The following ZFAND4 variants were observed in gnomAD, a reference collection of about 807,000 sequenced individuals.
ZFAND4 encodes zinc finger AN1-type containing 4, also known as AN1-type zinc finger protein 4.
ZFAND4 carries 43 observed loss-of-function variants against 64.4 expected under a neutral mutation model. The observed-to-expected ratio is 0.67, with a 90% CI of 0.52 to 0.86. ZFAND4 has a LOEUF of 0.86. Among genes scored for constraint, ZFAND4 ranks in the 40% least tolerant of loss-of-function variants. ZFAND4 has a pLI of 0.00. For synonymous variants in ZFAND4, 296 were observed against 305.7 expected (o/e 0.97, Z 0.33); for missense variants, 929 against 859.8 (o/e 1.08, Z -1.01).
At chr10:45,625,077 T>G (rs148528156) in intron 7 of ZFAND4, among the ~76,000 whole-genome samples, 2 of 151,398 alleles carry the variant, frequency 1.3e-5, no homozygotes, top group East Asian at 3.9e-4. Context: ...CTCAAGAGAC[T>G]GAGGCGGGAG....
Position 45,626,686 on chromosome 10 carries a change from C to T in ZFAND4, c.1137G>A (p.Gly379=). The T allele has an allele frequency of 6.2e-7, 1 of 1,614,180 alleles. No homozygotes were observed. Among genetic ancestry groups the T allele is most frequent in the Non-Finnish European group, 8.5e-7 (1 of 1,180,036 alleles). ...ATTCTTCTGAAGGTAAGACAATGTTCCCATTACTAGATGGCAAGTTTCCTA... is the reference window on the plus strand; with the variant it reads ...ATTCTTCTGAAGGTAAGACAATGTTTCCATTACTAGATGGCAAGTTTCCTA... ...HFLGNLPSSN[G]NIVLPSEECV... The change falls in exon 7 of 10, where the codon GGG becomes GGA. Residue 379 remains glycine (G), a synonymous_variant. Transcript: ENST00000344646.
chr10:45,616,562 G>T lies in ZFAND4; in HGVS notation c.2058C>A (p.Asn686Lys), dbSNP rs773094811. 2.2e-5 allele frequency: 35 copies of T among 1,613,804 alleles called. No homozygotes were observed. Among genetic ancestry groups the T allele is most frequent in the Non-Finnish European group, 2.7e-5 (32 of 1,179,946 alleles). ...LASSYECRCG[N>K]NFCASHRYAE... ...CATAACGATGAGATGCACAGAAGTT[G>T]TTTCCACATCTAAAGCACAAAAAAA... The change falls in exon 10 of 10, where the codon AAC becomes AAA. Residue 686 changes from asparagine (N) to lysine (K), a missense_variant. Transcript: ENST00000344646.
chr10:45,655,112 G>T (rs2133809884), intron 2 of ZFAND4, among the ~76,000 whole-genome samples: 2 of 152,150 alleles, frequency 1.3e-5, no homozygotes, highest in South Asian at 4.1e-4. Flanking sequence ...CCACAAAAAA[G>T]TCTCAAAAAT....
chr10:45,616,484 C>G lies in ZFAND4; in HGVS notation c.2136G>C (p.Leu712Phe). ...YDYKSAGRRY[L>F]HEANPVVNAP... is the part of the protein sequence containing the mutation. ...CATTAACCACAGGATTTGCCTCGTG[C>G]AAGTATCTCCTCCCTGCACTCTTGT... The change falls in exon 10 of 10, where the codon TTG becomes TTC. Residue 712 changes from leucine (L) to phenylalanine (F), a missense_variant. Leu to Phe is a conservative substitution (Grantham distance 22). Coordinates refer to ENST00000344646, the MANE Select transcript of ZFAND4 (RefSeq NM_174890.4). The G allele has an allele frequency of 6.2e-7, 1 of 1,614,124 alleles. No homozygotes were observed. The highest frequency in any genetic ancestry group is 1.3e-5 in the African/African-American group (1 of 75,046).
At chr10:45,640,144 T>C (rs2046885200) in intron 5 of ZFAND4, 181 bp from the exon 6 acceptor site, 2 of 1,269,524 alleles carry the variant, frequency 1.6e-6, no homozygotes, top group Admixed American at 3.5e-5. Context: ...AAAAATGAAA[T>C]GGGAATAAAT....
intron 9 of ZFAND4, among the ~76,000 whole-genome samples, chr10:45,616,998 A>G (rs1379961196): frequency 6.6e-6 from 1 of 151,922 alleles, no homozygotes. Context: ...GAATCGCTTG[A>G]ACCCAGGAGG....
At chr10:45,666,012 T>C (rs962090458) in intron 1 of ZFAND4, among the ~76,000 whole-genome samples, 10 of 152,222 alleles carry the variant, frequency 6.6e-5, no homozygotes, top group South Asian at 2.1e-4. Context: ...CTGTTACATA[T>C]AGTGCTAAGA....
At chr10:45,644,501 A>T (rs913160718) in intron 5 of ZFAND4, among the ~76,000 whole-genome samples, 1 of 152,194 alleles carries the variant, frequency 6.6e-6, no homozygotes, top group African/African-American at 2.4e-5. Flanking sequence ...AAGCTATAAA[A>T]CCAAAGAAGT....
intron 6 of ZFAND4, among the ~76,000 whole-genome samples, chr10:45,638,208 G>A (rs1002838399): frequency 6.6e-6 from 1 of 151,444 alleles, no homozygotes; most frequent in Non-Finnish European, 1.5e-5. Context: ...AATTGGCCGG[G>A]CGCGGTGGCT....
In ZFAND4 at chr10:45,631,173, C is replaced by G. The variant is rs1047832245; in HGVS notation, c.718-4068G>C. ...CTCTACTAAAAATACAAAAAATTAG[C>G]TGGGTGTGGTGACGGGCGCCTGTAG... On this transcript the variant is annotated intron_variant, in intron 6 of 9. Coordinates refer to ENST00000344646, the MANE Select transcript of ZFAND4 (RefSeq NM_174890.4). 9.2e-5 allele frequency among the ~76,000 whole-genome samples: 14 copies of G among 151,516 alleles called. 2 individuals carry two copies. The highest frequency in any genetic ancestry group is 2.9e-4 in the African/African-American group (12 of 41,344).
intron 8 of ZFAND4, among the ~76,000 whole-genome samples, chr10:45,621,436 A>G (rs1374640133): frequency 1.3e-5 from 2 of 151,556 alleles, no homozygotes; most frequent in Non-Finnish European, 2.9e-5. Flanking sequence ...AAAAAAAAAA[A>G]AGGACAGAAG....
chr10:45,641,695 C>A (rs2047009825), intron 5 of ZFAND4, among the ~76,000 whole-genome samples: 1 of 152,218 alleles, frequency 6.6e-6, no homozygotes, highest in Non-Finnish European at 1.5e-5. Flanking sequence ...GACACAAGTA[C>A]AACACTGAAG....
chr10:45,662,395 A>G (rs1292577366), intron 2 of ZFAND4, among the ~76,000 whole-genome samples: 1 of 152,222 alleles, frequency 6.6e-6, no homozygotes, highest in African/African-American at 2.4e-5. Flanking sequence ...TTGAAACAGG[A>G]TTCTCTCTAA....
At chr10:45,627,472 G>GA (rs2045914831) in intron 6 of ZFAND4, among the ~76,000 whole-genome samples, 1 of 142,806 alleles carries the variant, frequency 7.0e-6, no homozygotes, top group Non-Finnish European at 1.5e-5. Flanking sequence ...CTGGTACACA[G>GA]AAAAAAAGTT....
chr10:45,658,092 G>A (rs79337279), intron 2 of ZFAND4, among the ~76,000 whole-genome samples: 2 of 152,082 alleles, frequency 1.3e-5, no homozygotes, highest in Non-Finnish European at 2.9e-5. Flanking sequence ...AAAATTCTTA[G>A]GTGGAAGTCT....
chr10:45,662,061 AGACAGT>A (rs2048515772), intron 2 of ZFAND4, among the ~76,000 whole-genome samples: 1 of 152,154 alleles, frequency 6.6e-6, no homozygotes, highest in South Asian at 2.1e-4. Context: ...TTCAGCCTTC[AGACAGT>A]GAGAAATAAA....
intron 1 of ZFAND4, among the ~76,000 whole-genome samples, chr10:45,671,203 G>C (rs950455436): frequency 3.9e-5 from 6 of 152,218 alleles, no homozygotes; most frequent in African/African-American, 1.4e-4. Context: ...AGGATGTGTA[G>C]AAATAGGAAC....
chr10:45,658,363 T>C (rs1239465826), intron 2 of ZFAND4, among the ~76,000 whole-genome samples: 1 of 152,168 alleles, frequency 6.6e-6, no homozygotes, highest in African/African-American at 2.4e-5. Flanking sequence ...ATGTGACAGA[T>C]TCTACAGCCC....
chr10:45,626,566 C>A lies in ZFAND4; in HGVS notation c.1257G>T (p.Ala419=). 6.2e-7 allele frequency: 1 copy of A among 1,614,170 alleles called. No individual in the cohort carries two copies. Among genetic ancestry groups the A allele is most frequent in the Non-Finnish European group, 8.5e-7 (1 of 1,180,048 alleles). The change falls in exon 7 of 10, where the codon GCG becomes GCT. Residue 419 remains alanine, a synonymous_variant. Coordinates refer to ENST00000344646, the MANE Select transcript of ZFAND4 (RefSeq NM_174890.4). The part of the protein sequence containing the change: ...ADEQSSGLEG[A]CKVNLELLLT... Reference sequence around the variant, plus strand: ...GTAGCAACTCCAGATTCACTTTGCACGCACCTTCTAAGCCGCTGCTCTGTT... The same window carrying A: ...GTAGCAACTCCAGATTCACTTTGCAAGCACCTTCTAAGCCGCTGCTCTGTT...
Sources: allele counts gnomAD v4.1 joint callset (sites outside exome capture counted in the v4.1 genomes callset), GRCh38; gene constraint gnomAD v4.1.1; transcripts MANE v1.5; gene names NCBI Gene and HGNC (gene_info 2026-07-23, HGNC 2026-07-21).